RYR3: variants seen among roughly 807,000 people sequenced by gnomAD.
The protein encoded by RYR3 is brain ryanodine receptor-calcium release channel.
Under a neutral mutation model 584.3 loss-of-function variants are expected in RYR3, and 207 were observed. The observed-to-expected ratio is 0.35, with a 90% CI of 0.32 to 0.40. The LOEUF (loss-of-function observed/expected upper bound fraction) is 0.40, where lower values mean the gene tolerates loss of function less well. RYR3 is among the 10% of genes least tolerant of loss of function. The probability of loss-of-function intolerance (pLI) is 1.00; values close to 1 mark genes in which losing one functional copy is unlikely to be tolerated. For missense variants in RYR3, 5,616 were observed against 6,089.2 expected (o/e 0.92, Z 2.59); for synonymous variants, 2,416 against 2,248.5 (o/e 1.07, Z -2.11).
At chr15:33,386,119 T>A (rs2041583921) in intron 1 of RYR3, among the ~76,000 whole-genome samples, 1 of 152,224 alleles carries the variant, frequency 6.6e-6, no homozygotes, top group Non-Finnish European at 1.5e-5. Flanking sequence ...ACTTTCTATA[T>A]CAATTTGTCT....
At chr15:33,654,138 A>T (rs2152691528) in intron 32 of RYR3, among the ~76,000 whole-genome samples, 1 of 152,316 alleles carries the variant, frequency 6.6e-6, no homozygotes, top group South Asian at 2.1e-4. Context: ...AGTTCAAAAA[A>T]GGAAGAGCTC....
At chr15:33,362,357 T>C (rs1260822302) in intron 1 of RYR3, among the ~76,000 whole-genome samples, 2 of 152,062 alleles carry the variant, frequency 1.3e-5, no homozygotes, top group Admixed American at 1.3e-4. Flanking sequence ...GCGTGTAGAA[T>C]AGGGCCTGGC....
At position 33,635,743 on chromosome 15, in the gene RYR3, G is replaced by A. The variant is rs1293256392; in HGVS notation, c.3305G>A (p.Gly1102Asp). Reference sequence around the variant, plus strand: ...GTGACTGGAGGAGACATGCGAGTCGGCTGGGCGAGGCCAGGCTGTCGACCT... The same window carrying A: ...GTGACTGGAGGAGACATGCGAGTCGACTGGGCGAGGCCAGGCTGTCGACCT... ...EVVTGGDMRV[G>D]WARPGCRPDV... The change falls in exon 26 of 104, where the codon GGC (glycine) becomes GAC (aspartate). Residue 1102 changes from glycine (G) to aspartate (D), a missense_variant. Gly to Asp is a moderately conservative substitution (Grantham distance 94). Around this residue, in one of 9 missense-constraint regions of RYR3, gnomAD observed 152 missense variants for 200.9 expected, o/e 0.76. Transcript: ENST00000634891. 6.2e-7 allele frequency: 1 copy of A among 1,613,900 alleles called. No individual in the cohort carries two copies. Among genetic ancestry groups the A allele is most frequent in the Non-Finnish European group, 8.5e-7 (1 of 1,179,872 alleles).
At chr15:33,436,828 C>T (rs1353136722) in intron 1 of RYR3, among the ~76,000 whole-genome samples, 3 of 152,078 alleles carry the variant, frequency 2.0e-5, no homozygotes, top group Non-Finnish European at 4.4e-5. Flanking sequence ...AATCTTAGTG[C>T]AATTTGATGT....
chr15:33,366,256 G>C (rs1265280471), intron 1 of RYR3, among the ~76,000 whole-genome samples: 1 of 152,132 alleles, frequency 6.6e-6, no homozygotes, highest in Non-Finnish European at 1.5e-5. Context: ...GATTGTCATA[G>C]ATTATCCATT....
chr15:33,699,630 A>T, intron 40 of RYR3, 74 bp from the exon 41 acceptor site: 1 of 1,432,568 alleles, frequency 7.0e-7, no homozygotes, highest in South Asian at 1.3e-5. Context: ...CCCACTTAAG[A>T]CTCTGAGGTC....
In RYR3 at chr15:33,810,600, C is replaced by G; in HGVS notation, c.10148C>G (p.Thr3383Ser). ...CTGCCCATTGGTTTGAATATGTGTA[C>G]TCCAGGCGACCAGGAGCTGATCTCC... ...KMLPIGLNMC[T>S]PGDQELISLA... The change falls in exon 71 of 104, where the codon ACT becomes AGT. Residue 3383 changes from threonine (T) to serine (S), a missense_variant. Thr to Ser is a moderately conservative substitution (Grantham distance 58). Transcript: ENST00000634891. The G allele has an allele frequency of 2.5e-6, 4 of 1,614,042 alleles. No homozygotes were observed. Among genetic ancestry groups the G allele is most frequent in the Non-Finnish European group, 3.4e-6 (4 of 1,179,890 alleles).
chr15:33,632,981 C>A lies in RYR3; in HGVS notation c.2900C>A (p.Pro967His). 6.2e-7 allele frequency: 1 copy of A among 1,613,914 alleles called. No individual in the cohort carries two copies. The highest frequency in any genetic ancestry group is 8.5e-7 in the Non-Finnish European group (1 of 1,179,820). Reference protein sequence around the residue: ...YMMSNGYKPAPLDLSDVKLLP... With the variant: ...YMMSNGYKPAHLDLSDVKLLP... The stretch of plus-strand genomic sequence containing the variant: ...ATGTCCAACGGCTATAAGCCAGCCC[C>A]TTTGGATTTGTCTGATGTGAAGCTG... The change falls in exon 24 of 104, where the codon CCT (proline) becomes CAT (histidine). Residue 967 changes from proline to histidine, a missense_variant. This residue lies in a region of RYR3 where 1,284 missense variants were observed against 1,344.6 expected (regional missense o/e 0.95). Transcript: ENST00000634891.
At chr15:33,668,743 TA>T (rs915792219) in intron 36 of RYR3, among the ~76,000 whole-genome samples, 7 of 152,198 alleles carry the variant, frequency 4.6e-5, no homozygotes, top group South Asian at 2.1e-4. Context: ...TAAATTCATA[TA>T]AAAAAACATT....
At chr15:33,720,169 C>T (rs1281660361) in intron 43 of RYR3, among the ~76,000 whole-genome samples, 1 of 152,302 alleles carries the variant, frequency 6.6e-6, no homozygotes, top group South Asian at 2.1e-4. Flanking sequence ...GTGGTACATG[C>T]TTACAATCTT....
chr15:33,316,385 C>G (rs1968174281), intron 1 of RYR3, among the ~76,000 whole-genome samples: 1 of 152,102 alleles, frequency 6.6e-6, no homozygotes, highest in South Asian at 2.1e-4. Flanking sequence ...TGATCTTTAC[C>G]AATCTCAAGT....
chr15:33,316,967 C>G (rs1337939075), intron 1 of RYR3, among the ~76,000 whole-genome samples: 1 of 152,190 alleles, frequency 6.6e-6, no homozygotes, highest in Non-Finnish European at 1.5e-5. Context: ...TATTCTTAAG[C>G]TATTTGATTA....
chr15:33,755,343 G>A (rs531516598), intron 58 of RYR3, among the ~76,000 whole-genome samples, 163 bp downstream of exon 58: 110 of 152,216 alleles, frequency 7.2e-4, no homozygotes, highest in Middle Eastern at 3.4e-3. Flanking sequence ...CAATCCGGCC[G>A]GGCGCTGTGG....
At chr15:33,457,294 C>A (rs140419854) in intron 1 of RYR3, among the ~76,000 whole-genome samples, 1 of 152,252 alleles carries the variant, frequency 6.6e-6, no homozygotes, top group East Asian at 1.9e-4. Flanking sequence ...AAAGAGATAT[C>A]TGTACTCTTA....
intron 18 of RYR3, among the ~76,000 whole-genome samples, chr15:33,609,511 C>T (rs1319945151): frequency 6.6e-6 from 1 of 152,184 alleles, no homozygotes; most frequent in Non-Finnish European, 1.5e-5. Context: ...CAAAAATTAT[C>T]TGGGCAGTGG....
intron 67 of RYR3, among the ~76,000 whole-genome samples, chr15:33,794,121 AT>A (rs1567184335): frequency 1.5e-5 from 2 of 129,098 alleles, no homozygotes; most frequent in African/African-American, 5.8e-5. Context: ...ATATACATAA[AT>A]ATATATTTAT....
intron 2 of RYR3, among the ~76,000 whole-genome samples, chr15:33,475,766 A>G (rs894538069): frequency 6.6e-6 from 1 of 152,222 alleles, no homozygotes; most frequent in African/African-American, 2.4e-5. Flanking sequence ...TGGGAATTTA[A>G]TAGTAACTAC....
intron 8 of RYR3, among the ~76,000 whole-genome samples, chr15:33,546,530 C>T (rs955543326): frequency 6.6e-6 from 1 of 152,068 alleles, no homozygotes; most frequent in African/African-American, 2.4e-5. Context: ...CAGAGGTAAC[C>T]ATTGTTGATG....
chr15:33,343,026 TA>T (rs1468666785), intron 1 of RYR3, among the ~76,000 whole-genome samples: 3 of 152,330 alleles, frequency 2.0e-5, no homozygotes, highest in East Asian at 3.9e-4. Flanking sequence ...TGAACATCCT[TA>T]AAAATGCTAT....
Sources: allele counts gnomAD v4.1 joint callset (sites outside exome capture counted in the v4.1 genomes callset), GRCh38; gene constraint gnomAD v4.1.1; regional missense constraint gnomAD v4.1.1; transcripts MANE v1.5; gene names NCBI Gene and HGNC (gene_info 2026-07-23, HGNC 2026-07-21).